ADGRB3: variants seen among roughly 807,000 people sequenced by gnomAD.
ADGRB3 encodes adhesion G protein-coupled receptor B3.
A neutral mutation model predicts 193.4 loss-of-function variants in ADGRB3; 37 were observed. The ratio of observed to expected loss-of-function variants is 0.19; its 90% CI spans 0.15 to 0.25. The LOEUF is 0.25. Ranked by LOEUF, ADGRB3 falls within the 10% of genes least tolerant of loss-of-function variation. The pLI, the probability that ADGRB3 is intolerant of heterozygous loss-of-function variation, is 1.00. For missense variants in ADGRB3, 1,637 were observed against 1,852.9 expected (o/e 0.88, Z 2.14); for synonymous variants, 690 against 644.2 (o/e 1.07, Z -1.08).
rs1562023494 is a variant in ADGRB3, at chr6:68,772,934, C to CAT, written c.757+133504_757+133505dup. Among the ~76,000 whole-genome samples the CAT allele has an allele frequency of 4.5e-3, 121 of 26,970 alleles. 3 individuals are homozygous for CAT. Among genetic ancestry groups the CAT allele is most frequent in the African/African-American group, 0.022 (120 of 5,436 alleles). 17.7% of individuals were successfully genotyped at this position (26,970 alleles called of 152,430 possible). A position where few individuals can be genotyped will look rare whatever the true frequency, so the allele number is the denominator to read the frequency against. Reference sequence around the variant, plus strand: ...ATATATATATATATATATATATATACATACACACACAAAAATAAAAAATAA... The same window carrying CAT: ...ATATATATATATATATATATATATACATATACACACACAAAAATAAAAAATAA... On this transcript the variant is annotated intron_variant, in intron 3 of 31. Transcript: ENST00000370598.
At chr6:69,164,876 G>A (rs1164084979) in intron 17 of ADGRB3, among the ~76,000 whole-genome samples, 1 of 151,842 alleles carries the variant, frequency 6.6e-6, no homozygotes, top group Non-Finnish European at 1.5e-5. Flanking sequence ...TCTATTCTTG[G>A]CAGCTAGCAC....
intron 20 of ADGRB3, among the ~76,000 whole-genome samples, chr6:69,297,862 T>G (rs566471529): frequency 6.6e-6 from 1 of 152,202 alleles, no homozygotes; most frequent in Admixed American, 6.6e-5. Context: ...ATTTCTGCCA[T>G]TCATTTTCTC....
chr6:68,792,336 T>G (rs2127367150), intron 3 of ADGRB3, among the ~76,000 whole-genome samples: 1 of 152,326 alleles, frequency 6.6e-6, no homozygotes, highest in East Asian at 1.9e-4. Context: ...AGAAGTCATC[T>G]GGTTAAAGAT....
chr6:68,676,656 A>G (rs2127296280), intron 3 of ADGRB3, among the ~76,000 whole-genome samples: 1 of 152,306 alleles, frequency 6.6e-6, no homozygotes, highest in East Asian at 1.9e-4. Flanking sequence ...TTGCATTTCC[A>G]GCTAGACTGT....
chr6:68,705,440 A>G (rs1379049674), intron 3 of ADGRB3, among the ~76,000 whole-genome samples: 1 of 152,184 alleles, frequency 6.6e-6, no homozygotes, highest in Non-Finnish European at 1.5e-5. Flanking sequence ...AAAGGGAGAT[A>G]ACGCATTTCA....
chr6:68,740,235 C>A (rs779365468), intron 3 of ADGRB3, among the ~76,000 whole-genome samples: 4 of 152,126 alleles, frequency 2.6e-5, no homozygotes, highest in Non-Finnish European at 5.9e-5. Flanking sequence ...TCTGGGCAGG[C>A]TTTTCAAAGA....
chr6:68,936,637 A>T lies in ADGRB3; in HGVS notation c.987A>T (p.Pro329=). 6.2e-7 allele frequency: 1 copy of T among 1,613,812 alleles called. No homozygotes were observed. Residue 329 remains proline (P), a synonymous_variant, in exon 5 of 32, where the codon CCA becomes CCT. Coordinates refer to ENST00000370598, the MANE Select transcript of ADGRB3 (RefSeq NM_001704.3). ...VSPYGTHCSG[P]LRESRVCNNT... is the part of the protein sequence containing the mutation. ...CTTACGGGACACACTGCAGCGGCCC[A>T]TTAAGAGAATCAAGGGTTTGCAATA...
chr6:68,931,177 A>ATC (rs1767327394), intron 4 of ADGRB3, among the ~76,000 whole-genome samples: 1 of 151,948 alleles, frequency 6.6e-6, no homozygotes, highest in South Asian at 2.1e-4. Flanking sequence ...TATATAAGCT[A>ATC]AATAATAAAA....
At chr6:68,922,918 C>G (rs1767084116) in intron 3 of ADGRB3, among the ~76,000 whole-genome samples, 1 of 151,906 alleles carries the variant, frequency 6.6e-6, no homozygotes, top group Non-Finnish European at 1.5e-5. Flanking sequence ...AAAACAAGCT[C>G]AAAGATTAGT....
intron 26 of ADGRB3, among the ~76,000 whole-genome samples, chr6:69,349,508 A>G (rs549465843): frequency 3.3e-5 from 5 of 152,264 alleles, no homozygotes; most frequent in South Asian, 2.1e-4. Context: ...TAATATATTA[A>G]TAATGTGAAG....
intron 29 of ADGRB3, among the ~76,000 whole-genome samples, chr6:69,369,367 C>T (rs1418942194): frequency 6.6e-6 from 1 of 152,074 alleles, no homozygotes. Flanking sequence ...CTTATTCTTT[C>T]TTTACACCAT....
intron 3 of ADGRB3, among the ~76,000 whole-genome samples, chr6:68,904,088 C>T (rs1341717019): frequency 1.5e-4 from 13 of 85,748 alleles, no homozygotes; most frequent in South Asian, 4.8e-4. Context: ...GGCTGGAGGG[C>T]GGGAGGAAGG....
At chr6:68,646,926 T>A (rs1768229434) in intron 3 of ADGRB3, among the ~76,000 whole-genome samples, 1 of 152,224 alleles carries the variant, frequency 6.6e-6, no homozygotes, top group South Asian at 2.1e-4. Context: ...GAGTGCTTGA[T>A]GTTTTGTGCA....
intron 3 of ADGRB3, among the ~76,000 whole-genome samples, chr6:68,709,813 A>G (rs548351523): frequency 1.6e-4 from 24 of 152,248 alleles, no homozygotes; most frequent in African/African-American, 5.5e-4. Flanking sequence ...TAAATATCAT[A>G]TTTCTCTTGA....
At chr6:68,801,426 G>A (rs1767308714) in intron 3 of ADGRB3, among the ~76,000 whole-genome samples, 1 of 152,076 alleles carries the variant, frequency 6.6e-6, no homozygotes, top group Admixed American at 6.6e-5. Flanking sequence ...AGTGGCTCAT[G>A]CCTGTAATCC....
At chr6:69,273,055 C>T (rs1444296286) in intron 20 of ADGRB3, among the ~76,000 whole-genome samples, 1 of 152,150 alleles carries the variant, frequency 6.6e-6, no homozygotes, top group African/African-American at 2.4e-5. Context: ...CCCGTGCCAC[C>T]ATGCCCGGCT....
intron 3 of ADGRB3, among the ~76,000 whole-genome samples, chr6:68,883,528 C>T (rs1765799680): frequency 6.6e-6 from 1 of 152,182 alleles, no homozygotes; most frequent in South Asian, 2.1e-4. Context: ...ACACTCACCA[C>T]AAAGGTCTGC....
At chr6:69,019,225 A>G (rs1006945658) in intron 13 of ADGRB3, among the ~76,000 whole-genome samples, 3 of 151,992 alleles carry the variant, frequency 2.0e-5, no homozygotes, top group Admixed American at 6.6e-5. Flanking sequence ...GCTTCTTCTG[A>G]TAATGTTACT....
At chr6:69,045,089 A>G (rs1269994009) in intron 13 of ADGRB3, among the ~76,000 whole-genome samples, 1 of 152,200 alleles carries the variant, frequency 6.6e-6, no homozygotes, top group African/African-American at 2.4e-5. Flanking sequence ...TTCACTTAAC[A>G]TATGAGCTTC....
Sources: allele counts gnomAD v4.1 joint callset (sites outside exome capture counted in the v4.1 genomes callset), GRCh38; gene constraint gnomAD v4.1.1; transcripts MANE v1.5; gene names NCBI Gene and HGNC (gene_info 2026-07-23, HGNC 2026-07-21).